The following HIPK3 variants were observed in gnomAD, a reference collection of about 807,000 sequenced individuals.
HIPK3 encodes the protein homeodomain interacting protein kinase 3, also known as homeodomain-interacting protein kinase 3.
A neutral mutation model predicts 124.2 loss-of-function variants in HIPK3; 47 were observed. That is an observed-to-expected ratio of 0.38 (90% confidence interval 0.30 to 0.48). The LOEUF is 0.48. HIPK3 is among the 20% of genes least tolerant of loss of function. HIPK3 has a pLI of 0.98. For missense variants in HIPK3, 1,286 were observed against 1,454.3 expected (o/e 0.88, Z 1.88); for synonymous variants, 482 against 515.2 (o/e 0.94, Z 0.87).
In HIPK3 at chr11:33,347,720, G is replaced by A; in HGVS notation, c.2111G>A (p.Ser704Asn). The change falls in exon 10 of 17, where the codon AGT becomes AAT. Residue 704 changes from serine to asparagine, a missense_variant. Transcript: ENST00000303296. The stretch of plus-strand genomic sequence containing the variant: ...GCTACTACTACACTAACTTCTGAGA[G>A]TGTGGCTGGTTCACACAGGCTTGGA... Reference protein sequence around the residue: ...APATTTLTSESVAGSHRLGDW... With the variant: ...APATTTLTSENVAGSHRLGDW... 6.2e-7 allele frequency: 1 copy of A among 1,614,178 alleles called. No homozygotes were observed.
chr11:33,287,501 C>T lies in HIPK3; in HGVS notation c.1087C>T (p.Arg363Trp). ...KTVCSTYLQS[R>W]YYRAPEIILG... The stretch of plus-strand genomic sequence containing the variant: ...TGTTTGTTCAACATATCTACAATCT[C>T]GGTACTACAGGTAGGTAACAACTCC... Residue 363 changes from arginine to tryptophan, a missense_variant, in exon 2 of 17, where the codon CGG (arginine) becomes TGG (tryptophan). Around this residue, in one of 3 missense-constraint regions of HIPK3, gnomAD observed 251 missense variants for 349.1 expected, o/e 0.72. Transcript: ENST00000303296. The T allele has an allele frequency of 1.2e-6, 2 of 1,608,874 alleles. No homozygotes were observed. Among genetic ancestry groups the T allele is most frequent in the Non-Finnish European group, 1.7e-6 (2 of 1,176,496 alleles).
intron 1 of HIPK3, among the ~76,000 whole-genome samples, chr11:33,272,244 G>C (rs1469756765): frequency 6.6e-6 from 1 of 151,866 alleles, no homozygotes; most frequent in Non-Finnish European, 1.5e-5. Context: ...CTAAAAATTC[G>C]AAAGATTAGC....
intron 2 of HIPK3, among the ~76,000 whole-genome samples, chr11:33,303,432 T>A (rs916139626): frequency 6.6e-6 from 1 of 152,226 alleles, no homozygotes; most frequent in African/African-American, 2.4e-5. Context: ...TGACTGTAGT[T>A]ACTCGTAGGT....
chr11:33,350,719 G>A (rs2134002348), intron 14 of HIPK3, among the ~76,000 whole-genome samples: 2 of 151,888 alleles, frequency 1.3e-5, no homozygotes, highest in South Asian at 2.1e-4. Flanking sequence ...AAGAAATAAA[G>A]TCTTATTTTA....
chr11:33,269,094 C>A (rs561747817), intron 1 of HIPK3, among the ~76,000 whole-genome samples: 1 of 152,236 alleles, frequency 6.6e-6, no homozygotes, highest in Admixed American at 6.5e-5. Context: ...ACATATGATA[C>A]TCAACTTACA....
At chr11:33,325,016 A>G (rs1296599188) in intron 2 of HIPK3, among the ~76,000 whole-genome samples, 1 of 152,242 alleles carries the variant, frequency 6.6e-6, no homozygotes, top group African/African-American at 2.4e-5. Context: ...GTATTTTAAA[A>G]TGGGAAACTT....
chr11:33,311,986 A>ACACACACACC, intron 2 of HIPK3, among the ~76,000 whole-genome samples: 1 of 148,836 alleles, frequency 6.7e-6, no homozygotes, highest in Non-Finnish European at 1.5e-5. Context: ...ACACACACAC[A>ACACACACACC]CACACACACA....
intron 2 of HIPK3, among the ~76,000 whole-genome samples, chr11:33,295,396 AC>A (rs1394494178): frequency 2.7e-5 from 4 of 148,332 alleles, no homozygotes; most frequent in African/African-American, 1.0e-4. Context: ...GTTCCCCACA[AC>A]CCCCTTTTCT....
chr11:33,342,615 C>A (rs1853369630), intron 8 of HIPK3, among the ~76,000 whole-genome samples: 1 of 151,356 alleles, frequency 6.6e-6, no homozygotes. Context: ...ACTATCTCGG[C>A]GCACTGCAAC....
intron 1 of HIPK3, among the ~76,000 whole-genome samples, chr11:33,274,043 A>G (rs1340500038): frequency 6.6e-6 from 1 of 152,202 alleles, no homozygotes; most frequent in East Asian, 1.9e-4. Context: ...AAGGTTGTTT[A>G]AGGTAAACCA....
In HIPK3 at chr11:33,356,901, C is replaced by T. The variant is rs1853832309; in HGVS notation, c.*3333C>T. ...TCTCAGTGATTTAAATGTGACCAAGCCTTCTGTACTTTGTCACAAAAAGCG... is the reference window on the plus strand; with the variant it reads ...TCTCAGTGATTTAAATGTGACCAAGTCTTCTGTACTTTGTCACAAAAAGCG... On this transcript the variant is annotated 3_prime_UTR_variant, in exon 17 of 17. Transcript: ENST00000303296. The T allele has an allele frequency of 6.6e-6, 1 of 152,164 alleles. No homozygotes were observed. The highest frequency in any genetic ancestry group is 2.4e-5 in the African/African-American group (1 of 41,540). 9.4% of individuals were successfully genotyped at this position (152,164 alleles called of 1,614,324 possible).
chr11:33,313,319 ATTG>A (rs1333514792), intron 2 of HIPK3, among the ~76,000 whole-genome samples: 2 of 152,214 alleles, frequency 1.3e-5, no homozygotes, highest in Non-Finnish European at 2.9e-5. Context: ...TTTTTAAAGT[ATTG>A]TTGTGACATT....
At chr11:33,347,097 C>A (rs377269089) in intron 8 of HIPK3, among the ~76,000 whole-genome samples, 196 bp from the exon 9 acceptor site, 5 of 151,798 alleles carry the variant, frequency 3.3e-5, no homozygotes, top group Non-Finnish European at 7.4e-5. Context: ...GTGGGAGGAT[C>A]CACTTGAGTC....
At chr11:33,258,192 C>A in intron 1 of HIPK3, 1 of 622,118 alleles carries the variant, frequency 1.6e-6, no homozygotes, top group Non-Finnish European at 2.0e-6. Flanking sequence ...CTGGCCGGGG[C>A]CCGGGGGCCT....
At chr11:33,288,720 AT>A (rs1851621736) in intron 2 of HIPK3, among the ~76,000 whole-genome samples, 1 of 152,234 alleles carries the variant, frequency 6.6e-6, no homozygotes, top group Non-Finnish European at 1.5e-5. Flanking sequence ...CTGAAAACTC[AT>A]TCTGGAGTGT....
chr11:33,257,836 A>T lies in HIPK3; in HGVS notation c.-56A>T. 1 of 986,004 alleles carries T rather than the reference A, an allele frequency of 1.0e-6. No homozygotes were observed. Among genetic ancestry groups the T allele is most frequent in the Non-Finnish European group, 1.2e-6 (1 of 830,450 alleles). 61.1% of individuals were successfully genotyped at this position (986,004 alleles called of 1,614,324 possible). A position where few individuals can be genotyped will look rare whatever the true frequency, so the allele number is the denominator to read the frequency against. On this transcript the variant is annotated 5_prime_UTR_variant, in exon 1 of 17. Coordinates refer to ENST00000303296, the MANE Select transcript of HIPK3 (RefSeq NM_005734.5). Reference sequence around the variant, plus strand: ...GGCACGGCCCTGCGCCCCACCCCGGACATGCTCAGGGCTGCGGCCGCCCGA... The same window carrying T: ...GGCACGGCCCTGCGCCCCACCCCGGTCATGCTCAGGGCTGCGGCCGCCCGA...
At chr11:33,299,492 G>A (rs1050892090) in intron 2 of HIPK3, among the ~76,000 whole-genome samples, 9 of 151,748 alleles carry the variant, frequency 5.9e-5, no homozygotes, top group African/African-American at 2.2e-4. Context: ...AGAAAAGAAA[G>A]TGGTTTCTTG....
At chr11:33,302,583 A>G (rs571494963) in intron 2 of HIPK3, among the ~76,000 whole-genome samples, 1 of 152,092 alleles carries the variant, frequency 6.6e-6, no homozygotes, top group Admixed American at 6.5e-5. Flanking sequence ...TGGTCCACCC[A>G]CCTTGGCCTC....
At chr11:33,296,199 T>C (rs1851838692) in intron 2 of HIPK3, among the ~76,000 whole-genome samples, 1 of 152,208 alleles carries the variant, frequency 6.6e-6, no homozygotes, top group South Asian at 2.1e-4. Context: ...GAGAGCATCT[T>C]TCTTTAGGCT....
Sources: allele counts gnomAD v4.1 joint callset (sites outside exome capture counted in the v4.1 genomes callset), GRCh38; gene constraint gnomAD v4.1.1; regional missense constraint gnomAD v4.1.1; transcripts MANE v1.5; gene names NCBI Gene and HGNC (gene_info 2026-07-23, HGNC 2026-07-21).